COX7B2: variants seen among roughly 807,000 people sequenced by gnomAD.
COX7B2 encodes the protein cytochrome c oxidase subunit 7B2.
For synonymous variants in COX7B2, 37 were observed against 32.1 expected (o/e 1.15, Z -0.51); for missense variants, 109 against 95.9 (o/e 1.14, Z -0.57).
intron 2 of COX7B2, among the ~76,000 whole-genome samples, chr4:46,826,320 T>C (rs28868915): frequency 0.11 from 17,302 of 152,144 alleles, 1,090 homozygotes; most frequent in South Asian, 0.22. Flanking sequence ...CACAATGAGA[T>C]ACCATCTTAC....
intron 1 of COX7B2, among the ~76,000 whole-genome samples, chr4:46,908,722 C>CA (rs1560449400): frequency 1.5e-5 from 1 of 67,680 alleles, no homozygotes; most frequent in Admixed American, 1.7e-4. Flanking sequence ...AGAAATGAAA[C>CA]AAAAAAGGAA....
chr4:46,757,619 TC>T (rs1715881758), intron 2 of COX7B2, among the ~76,000 whole-genome samples: 2 of 152,028 alleles, frequency 1.3e-5, no homozygotes, highest in Admixed American at 1.3e-4. Context: ...GCCAAACTGT[TC>T]CCCATACAGC....
At position 46,815,553 on chromosome 4, in the gene COX7B2, C is replaced by A. The variant is rs1719506814; in HGVS notation, c.-50+29407G>T. Among the ~76,000 whole-genome samples, 6 of 152,040 alleles carry A rather than the reference C, an allele frequency of 3.9e-5. No homozygotes were observed. In the South Asian group the frequency reaches 1.2e-3, roughly 31 times the overall value. On this transcript the variant is annotated intron_variant, in intron 2 of 2. Coordinates refer to ENST00000355591, the MANE Select transcript of COX7B2 (RefSeq NM_130902.3). The stretch of plus-strand genomic sequence containing the variant: ...TTTAACCTTGGAAATTACAGGTTAA[C>A]TGTAAATAAAAGAAGTTTCAACAAA...
chr4:46,833,716 G>A (rs898631784), intron 2 of COX7B2, among the ~76,000 whole-genome samples: 3 of 152,094 alleles, frequency 2.0e-5, no homozygotes, highest in Non-Finnish European at 4.4e-5. Context: ...AGTTGTGGGA[G>A]CAGAAACCAT....
chr4:46,906,907 T>C (rs935205581), intron 1 of COX7B2, among the ~76,000 whole-genome samples: 5 of 152,188 alleles, frequency 3.3e-5, no homozygotes, highest in African/African-American at 1.2e-4. Flanking sequence ...GGCACAATCC[T>C]TCAAGGCACA....
chr4:46,806,590 T>A (rs183345010), intron 2 of COX7B2, among the ~76,000 whole-genome samples: 2 of 152,156 alleles, frequency 1.3e-5, no homozygotes, highest in East Asian at 3.9e-4. Context: ...TACAATACAA[T>A]TTTACTGCCT....
intron 2 of COX7B2, among the ~76,000 whole-genome samples, chr4:46,805,867 G>T (rs1467262399): frequency 6.6e-6 from 1 of 152,086 alleles, no homozygotes; most frequent in Non-Finnish European, 1.5e-5. Context: ...TATATTTAAA[G>T]ACATGGGGAA....
At chr4:46,800,662 C>A (rs1013784436) in intron 2 of COX7B2, among the ~76,000 whole-genome samples, 1 of 151,998 alleles carries the variant, frequency 6.6e-6, no homozygotes, top group Non-Finnish European at 1.5e-5. Context: ...TTGAAGAAAA[C>A]CTGAGAAATA....
intron 1 of COX7B2, among the ~76,000 whole-genome samples, chr4:46,848,228 T>A (rs1716420882): frequency 6.6e-6 from 1 of 152,104 alleles, no homozygotes; most frequent in Non-Finnish European, 1.5e-5. Flanking sequence ...ACTCACTAAC[T>A]AATGCTAATT....
At chr4:46,858,908 A>G (rs1717173847) in intron 1 of COX7B2, among the ~76,000 whole-genome samples, 2 of 152,216 alleles carry the variant, frequency 1.3e-5, no homozygotes, top group Non-Finnish European at 2.9e-5. Flanking sequence ...ATCAAATGCT[A>G]CTTACAAATT....
At chr4:46,842,195 G>C (rs1715975147) in intron 2 of COX7B2, among the ~76,000 whole-genome samples, 1 of 151,942 alleles carries the variant, frequency 6.6e-6, no homozygotes, top group Admixed American at 6.6e-5. Flanking sequence ...AAACTTCATA[G>C]AAGAATAAAT....
At chr4:46,880,890 G>A (rs1718677869) in intron 1 of COX7B2, among the ~76,000 whole-genome samples, 1 of 147,512 alleles carries the variant, frequency 6.8e-6, no homozygotes, top group African/African-American at 2.5e-5. Flanking sequence ...TATACCTAAT[G>A]CTAGATGACA....
intron 2 of COX7B2, among the ~76,000 whole-genome samples, chr4:46,807,701 G>A (rs1167551395): frequency 6.6e-6 from 1 of 151,698 alleles, no homozygotes; most frequent in African/African-American, 2.4e-5. Context: ...TGGTATAAGG[G>A]CCTACTTCAT....
intron 1 of COX7B2, among the ~76,000 whole-genome samples, chr4:46,908,343 T>G (rs1239779419): frequency 6.6e-6 from 1 of 152,126 alleles, no homozygotes; most frequent in African/African-American, 2.4e-5. Context: ...CAAGCAGCAA[T>G]AATCACGTGA....
At chr4:46,760,743 T>A (rs2109471523) in intron 2 of COX7B2, among the ~76,000 whole-genome samples, 1 of 152,110 alleles carries the variant, frequency 6.6e-6, no homozygotes, top group South Asian at 2.1e-4. Flanking sequence ...CAAAACCAAA[T>A]AAAATTTCTG....
At chr4:46,792,962 C>A (rs1374580938) in intron 2 of COX7B2, among the ~76,000 whole-genome samples, 1 of 152,156 alleles carries the variant, frequency 6.6e-6, no homozygotes, top group Non-Finnish European at 1.5e-5. Flanking sequence ...TAATCAACCA[C>A]AAATCAACCA....
intron 1 of COX7B2, among the ~76,000 whole-genome samples, chr4:46,885,724 T>C (rs1033018133): frequency 2.0e-5 from 3 of 152,166 alleles, no homozygotes; most frequent in African/African-American, 7.2e-5. Flanking sequence ...TTCTCATTTA[T>C]CTAAGCATTT....
At chr4:46,876,365 T>C (rs1577685747) in intron 1 of COX7B2, among the ~76,000 whole-genome samples, 1 of 152,026 alleles carries the variant, frequency 6.6e-6, no homozygotes, top group East Asian at 1.9e-4. Flanking sequence ...AGAATGATCC[T>C]CTGATTTTCA....
chr4:46,855,659 C>T (rs1227642249), intron 1 of COX7B2, among the ~76,000 whole-genome samples: 1 of 151,832 alleles, frequency 6.6e-6, no homozygotes, highest in Non-Finnish European at 1.5e-5. Flanking sequence ...AATAACAAGA[C>T]CCAAATTTGT....
Sources: allele counts gnomAD v4.1 joint callset (sites outside exome capture counted in the v4.1 genomes callset), GRCh38; gene constraint gnomAD v4.1.1; transcripts MANE v1.5; gene names NCBI Gene and HGNC (gene_info 2026-07-23, HGNC 2026-07-21).